DIAPH3: variants seen among roughly 807,000 people sequenced by gnomAD.
DIAPH3 encodes the protein protein diaphanous homolog 3.
A neutral mutation model predicts 144.3 loss-of-function variants in DIAPH3; 117 were observed. The ratio of observed to expected loss-of-function variants is 0.81; its 90% CI spans 0.70 to 0.95. DIAPH3 has a LOEUF of 0.95. DIAPH3 is among the 40% of genes least tolerant of loss of function. The probability of loss-of-function intolerance (pLI) is 0.00; values close to 1 mark genes in which losing one functional copy is unlikely to be tolerated. For missense variants in DIAPH3, 1,421 were observed against 1,412.7 expected (o/e 1.01, Z -0.09); for synonymous variants, 519 against 488.9 (o/e 1.06, Z -0.81).
chr13:60,159,027 G>A (rs956209978), intron 1 of DIAPH3, among the ~76,000 whole-genome samples: 2 of 150,304 alleles, frequency 1.3e-5, no homozygotes, highest in Admixed American at 6.7e-5. Context: ...ATCATTGTTC[G>A]GCCTACTACA....
intron 3 of DIAPH3, among the ~76,000 whole-genome samples, chr13:60,100,220 CAT>C (rs2058231807): frequency 6.6e-6 from 1 of 152,016 alleles, no homozygotes; most frequent in Non-Finnish European, 1.5e-5. Flanking sequence ...AATAATAGGA[CAT>C]ATTGATATTT....
At chr13:59,862,792 C>T (rs2043676455) in intron 21 of DIAPH3, among the ~76,000 whole-genome samples, 1 of 151,862 alleles carries the variant, frequency 6.6e-6, no homozygotes, top group Non-Finnish European at 1.5e-5. Context: ...ATTTTAAAAT[C>T]ACAAAGGTGA....
At chr13:59,848,307 C>CTTTTT (rs71089517) in intron 22 of DIAPH3, among the ~76,000 whole-genome samples, 59,610 of 127,026 alleles carry the variant, frequency 0.47, 14,736 homozygotes, top group Non-Finnish European at 0.57. Flanking sequence ...AAAGTCAAAT[C>CTTTTT]TTTTTTTTTT....
At chr13:59,771,766 C>T (rs555544819) in intron 27 of DIAPH3, among the ~76,000 whole-genome samples, 5 of 151,962 alleles carry the variant, frequency 3.3e-5, no homozygotes, top group South Asian at 2.1e-4. Context: ...TGACTAGTTT[C>T]GACTATGAAA....
chr13:59,771,472 A>ATAG (rs1392604742), intron 27 of DIAPH3, among the ~76,000 whole-genome samples: 1 of 152,056 alleles, frequency 6.6e-6, no homozygotes, highest in Non-Finnish European at 1.5e-5. Flanking sequence ...AAACAGTGCT[A>ATAG]TCTAGTGGCT....
rs184261101 is a variant in DIAPH3, at chr13:60,151,824, G to A, written c.180+11763C>T. ...ATTGGAGACCGTCACCTTTTATAAA[G>A]AAGTGAAATAGTCATATTGAATTTC... On this transcript the variant is annotated intron_variant, in intron 1 of 27. Coordinates refer to ENST00000400324, the MANE Select transcript of DIAPH3 (RefSeq NM_001042517.2). Among the ~76,000 whole-genome samples the A allele has an allele frequency of 3.3e-3, 502 of 152,226 alleles. 2 individuals carry two copies. The highest frequency in any genetic ancestry group is 0.011 in the African/African-American group (463 of 41,540).
chr13:59,960,697 G>A (rs1191519169), intron 17 of DIAPH3, among the ~76,000 whole-genome samples: 2 of 152,066 alleles, frequency 1.3e-5, no homozygotes, highest in African/African-American at 4.8e-5. Flanking sequence ...AATATTTTAT[G>A]AGACTGAATG....
chr13:59,870,467 C>T (rs2044191030), intron 21 of DIAPH3, among the ~76,000 whole-genome samples: 1 of 151,844 alleles, frequency 6.6e-6, no homozygotes, highest in African/African-American at 2.4e-5. Context: ...GGTCTTTTGC[C>T]TCCCCATACA....
chr13:59,898,134 CAAAAAAAA>C (rs34238599), intron 20 of DIAPH3, among the ~76,000 whole-genome samples: 18 of 72,192 alleles, frequency 2.5e-4, no homozygotes, highest in African/African-American at 4.7e-4. Flanking sequence ...GACTCTGCCT[CAAAAAAAA>C]AAAAAAAAAA....
chr13:60,098,746 T>C (rs2058179610), intron 3 of DIAPH3, among the ~76,000 whole-genome samples: 1 of 152,168 alleles, frequency 6.6e-6, no homozygotes, highest in South Asian at 2.1e-4. Context: ...CCACACTACA[T>C]AGGTACAAAA....
At chr13:59,877,172 T>A (rs2044684002) in intron 21 of DIAPH3, among the ~76,000 whole-genome samples, 1 of 151,794 alleles carries the variant, frequency 6.6e-6, no homozygotes, top group Non-Finnish European at 1.5e-5. Flanking sequence ...TAAACAAGAG[T>A]AGAATAACAA....
chr13:59,824,370 T>C (rs1177975510), intron 24 of DIAPH3, among the ~76,000 whole-genome samples: 1 of 152,184 alleles, frequency 6.6e-6, no homozygotes, highest in African/African-American at 2.4e-5. Context: ...AATTTGCCTA[T>C]ACACGTATCA....
intron 20 of DIAPH3, among the ~76,000 whole-genome samples, chr13:59,901,433 C>T (rs2046424727): frequency 1.3e-5 from 2 of 152,204 alleles, no homozygotes; most frequent in Admixed American, 1.3e-4. Context: ...ACTAAAGTCA[C>T]TCCGGCTTCT....
intron 17 of DIAPH3, among the ~76,000 whole-genome samples, chr13:59,929,820 C>G (rs568574827): frequency 6.6e-6 from 1 of 152,156 alleles, no homozygotes; most frequent in South Asian, 2.1e-4. Context: ...ATCCACCGGC[C>G]TCAGCCTCCC....
At chr13:59,823,809 C>G (rs2040663164) in intron 24 of DIAPH3, among the ~76,000 whole-genome samples, 1 of 152,094 alleles carries the variant, frequency 6.6e-6, no homozygotes, top group Non-Finnish European at 1.5e-5. Context: ...TCTGGCTGTC[C>G]TCCCTATCAA....
At chr13:60,114,739 A>G (rs748786245) in intron 2 of DIAPH3, among the ~76,000 whole-genome samples, 3 of 152,100 alleles carry the variant, frequency 2.0e-5, no homozygotes, top group Admixed American at 1.3e-4. Flanking sequence ...TTAAAAATAA[A>G]CAGCAAACCA....
At chr13:60,137,492 AC>A (rs1022251936) in intron 1 of DIAPH3, among the ~76,000 whole-genome samples, 2 of 152,194 alleles carry the variant, frequency 1.3e-5, no homozygotes, top group African/African-American at 4.8e-5. Context: ...AGGTCCACAC[AC>A]AGTGAAAAAG....
At chr13:59,883,306 A>AT (rs555721291) in intron 20 of DIAPH3, among the ~76,000 whole-genome samples, 2 of 152,280 alleles carry the variant, frequency 1.3e-5, no homozygotes, top group African/African-American at 4.8e-5. Flanking sequence ...GAAAAAAATC[A>AT]TTTTTTACAT....
chr13:60,156,229 A>G (rs958320451), intron 1 of DIAPH3, among the ~76,000 whole-genome samples: 17 of 152,286 alleles, frequency 1.1e-4, no homozygotes, highest in Admixed American at 3.9e-4. Flanking sequence ...AAATAACAAT[A>G]CATGTGTTTG....
Sources: gnomAD v4.1 joint callset for allele counts (sites outside exome capture counted in the v4.1 genomes callset) on GRCh38, gnomAD v4.1.1 for gene constraint, MANE v1.5 for transcripts, NCBI Gene and HGNC (gene_info 2026-07-23, HGNC 2026-07-21) for gene names.